Variants in GRIA4 observed in about 807,000 individuals in gnomAD.
GRIA4 encodes glutamate receptor 4.
GRIA4 carries 34 observed loss-of-function variants against 104.0 expected under a neutral mutation model. The observed-to-expected ratio is 0.33, with a 90% CI of 0.25 to 0.44. The LOEUF is 0.44. GRIA4 is among the 20% of genes least tolerant of loss of function. The pLI is 1.00. For missense variants in GRIA4, 750 were observed against 1,096.5 expected, an observed-to-expected ratio of 0.68 and a Z score of 4.46; for synonymous variants, 386 against 381.9, an observed-to-expected ratio of 1.01 and a Z score of -0.13.
intron 3 of GRIA4, among the ~76,000 whole-genome samples, chr11:105,652,088 C>G (rs1280357065): frequency 1.3e-5 from 2 of 151,876 alleles, no homozygotes; most frequent in Non-Finnish European, 2.9e-5. Flanking sequence ...ACTGAAAAAC[C>G]CTTATGCCTA....
chr11:105,803,596 C>T (rs984384052), intron 4 of GRIA4, among the ~76,000 whole-genome samples: 2 of 151,824 alleles, frequency 1.3e-5, no homozygotes, highest in Non-Finnish European at 2.9e-5. Context: ...ATAGGCTCTT[C>T]TGAGAAATAT....
At chr11:105,722,464 G>C (rs1417564474) in intron 3 of GRIA4, among the ~76,000 whole-genome samples, 2 of 152,078 alleles carry the variant, frequency 1.3e-5, no homozygotes, top group Non-Finnish European at 2.9e-5. Flanking sequence ...ATTGTAAGTA[G>C]AGAAGCATCT....
At chr11:105,880,042 T>C (rs1158768871) in intron 5 of GRIA4, among the ~76,000 whole-genome samples, 1 of 152,160 alleles carries the variant, frequency 6.6e-6, no homozygotes, top group East Asian at 1.9e-4. Context: ...CCACCCCTTC[T>C]AATAATTCTA....
At chr11:105,891,360 A>C (rs1055882652) in intron 6 of GRIA4, among the ~76,000 whole-genome samples, 1 of 152,112 alleles carries the variant, frequency 6.6e-6, no homozygotes, top group Non-Finnish European at 1.5e-5. Context: ...CATTGCCCCA[A>C]TTTTTACCAC....
chr11:105,882,203 T>C (rs1041082307), intron 5 of GRIA4, among the ~76,000 whole-genome samples: 3 of 152,160 alleles, frequency 2.0e-5, no homozygotes. Context: ...ATTTTCTCCA[T>C]GTCACTGAAT....
chr11:105,698,725 T>C lies in GRIA4; in HGVS notation c.248-54256T>C, dbSNP rs1200199932. 3.3e-5 allele frequency among the ~76,000 whole-genome samples: 5 copies of C among 152,202 alleles called. No homozygotes were observed. The South Asian group carries it at 6.2e-4, about 19-fold the overall frequency. ...CTTCCACTCTCCTATTCATAGCATA[T>C]AGCACATCATATTGTTATCTGTCAT... On this transcript the variant is annotated intron_variant, in intron 3 of 16. Coordinates refer to ENST00000282499, the MANE Select transcript of GRIA4 (RefSeq NM_000829.4).
intron 4 of GRIA4, among the ~76,000 whole-genome samples, chr11:105,757,915 C>A (rs1277971422): frequency 2.0e-5 from 3 of 152,086 alleles, no homozygotes; most frequent in Non-Finnish European, 2.9e-5. Flanking sequence ...CCATGGTGAT[C>A]ATTTTAATGA....
At chr11:105,711,418 A>C (rs1953905547) in intron 3 of GRIA4, among the ~76,000 whole-genome samples, 1 of 152,034 alleles carries the variant, frequency 6.6e-6, no homozygotes, top group African/African-American at 2.4e-5. Context: ...TAAACCTTAA[A>C]GTATTATAAT....
intron 12 of GRIA4, 101 bp downstream of exon 12, chr11:105,924,870 AT>A: frequency 1.1e-6 from 1 of 910,268 alleles, no homozygotes; most frequent in Non-Finnish European, 1.7e-6. Context: ...ACAGAGGACT[AT>A]TTGAAACACA....
intron 11 of GRIA4, among the ~76,000 whole-genome samples, chr11:105,922,477 AT>A (rs1198710750): frequency 6.6e-6 from 1 of 152,148 alleles, no homozygotes; most frequent in Non-Finnish European, 1.5e-5. Flanking sequence ...ATGTGTTAGG[AT>A]TTGTCCTCAA....
At chr11:105,936,504 T>C (rs1323006583) in intron 14 of GRIA4, among the ~76,000 whole-genome samples, 1 of 152,200 alleles carries the variant, frequency 6.6e-6, no homozygotes, top group Admixed American at 6.6e-5. Context: ...GCTATTCAGA[T>C]TCATTAGGCA....
chr11:105,925,063 T>C (rs1332300589), intron 12 of GRIA4, among the ~76,000 whole-genome samples: 2 of 152,176 alleles, frequency 1.3e-5, no homozygotes, highest in African/African-American at 2.4e-5. Flanking sequence ...ACCTAAATTA[T>C]AGAACAGGAA....
intron 5 of GRIA4, among the ~76,000 whole-genome samples, chr11:105,874,369 C>A (rs193241782): frequency 3.6e-4 from 55 of 152,246 alleles, no homozygotes; most frequent in Admixed American, 1.0e-3. Context: ...TGACTTTGTT[C>A]TATTTGCTTA....
intron 4 of GRIA4, among the ~76,000 whole-genome samples, chr11:105,806,732 GA>G (rs1942968492): frequency 6.6e-6 from 1 of 151,598 alleles, no homozygotes; most frequent in South Asian, 2.1e-4. Flanking sequence ...CAGCCACTGA[GA>G]AATTCAAGAA....
At chr11:105,835,458 C>T (rs151219644) in intron 4 of GRIA4, among the ~76,000 whole-genome samples, 4 of 152,056 alleles carry the variant, frequency 2.6e-5, no homozygotes, top group Non-Finnish European at 5.9e-5. Context: ...TAACAAATAA[C>T]AAATTAAGCT....
At chr11:105,797,293 G>A (rs571258308) in intron 4 of GRIA4, among the ~76,000 whole-genome samples, 9 of 152,234 alleles carry the variant, frequency 5.9e-5, no homozygotes, top group South Asian at 4.1e-4. Flanking sequence ...AAAACAAGGC[G>A]TAAGCAAAGC....
chr11:105,827,435 G>T (rs1943812192), intron 4 of GRIA4, among the ~76,000 whole-genome samples: 1 of 151,824 alleles, frequency 6.6e-6, no homozygotes, highest in Admixed American at 6.6e-5. Context: ...ACCTGAAGTT[G>T]AATTTCTATT....
chr11:105,635,570 G>T (rs1339793471), intron 3 of GRIA4, among the ~76,000 whole-genome samples: 1 of 152,144 alleles, frequency 6.6e-6, no homozygotes, highest in Non-Finnish European at 1.5e-5. Flanking sequence ...GACTCACAGG[G>T]GTGAGTCTTG....
intron 3 of GRIA4, among the ~76,000 whole-genome samples, chr11:105,614,934 G>C (rs547157693): frequency 6.6e-6 from 1 of 151,968 alleles, no homozygotes; most frequent in Admixed American, 6.6e-5. Context: ...GAGTACAAAA[G>C]GGTAAAAATA....
Sources: gnomAD v4.1 joint callset for allele counts (sites outside exome capture counted in the v4.1 genomes callset) on GRCh38, gnomAD v4.1.1 for gene constraint, MANE v1.5 for transcripts, NCBI Gene and HGNC (gene_info 2026-07-23, HGNC 2026-07-21) for gene names.